Variants in PDZD7 observed in about 807,000 individuals in gnomAD.
The protein encoded by PDZD7 is PDZ domain-containing protein 7.
Under a neutral mutation model 84.7 loss-of-function variants are expected in PDZD7, and 72 were observed. The ratio of observed to expected loss-of-function variants is 0.85; its 90% confidence interval spans 0.70 to 1.03. The LOEUF (loss-of-function observed/expected upper bound fraction) is 1.03. Ranked by LOEUF, PDZD7 falls within the 50% of genes least tolerant of loss-of-function variation. The pLI is 0.00. For missense variants in PDZD7, 1,490 were observed against 1,412.9 expected, an observed-to-expected ratio of 1.05 and a Z score of -0.87; for synonymous variants, 594 against 580.7, an observed-to-expected ratio of 1.02 and a Z score of -0.33.
intron 4 of PDZD7, among the ~76,000 whole-genome samples, 170 bp from the exon 5 acceptor site, chr10:101,022,555 G>T (rs1007119003): frequency 1.3e-5 from 2 of 151,980 alleles, no homozygotes; most frequent in Non-Finnish European, 2.9e-5. Context: ...CAGCCTAATT[G>T]CCTCTTTTTA....
intron 7 of PDZD7, among the ~76,000 whole-genome samples, chr10:101,019,569 T>TCCTCCTCCTCCG (rs1852948070): frequency 7.5e-6 from 1 of 133,092 alleles, no homozygotes; most frequent in South Asian, 2.6e-4. Flanking sequence ...CTCCTCCTCC[T>TCCTCCTCCTCCG]CCTCCTCCTC....
chr10:101,014,486 C>G (rs973928521), intron 11 of PDZD7, among the ~76,000 whole-genome samples: 5 of 152,092 alleles, frequency 3.3e-5, no homozygotes, highest in Non-Finnish European at 7.4e-5. Context: ...CATTGCCGGC[C>G]CACTGGAGGC....
rs1308552992 is a variant in PDZD7, at chr10:101,010,321, G to T, written c.2568C>A (p.Pro856=). ...GTGTCACTGTCTTCAGCTCGCCACT[G>T]GGGTTCTTCATGGCTGCCTCCTTGG... ...GTAKEAAMKN[P]SGELKTVTLS... is the part of the protein sequence containing the mutation. Residue 856 remains proline (P), a synonymous_variant, in exon 15 of 17, where the codon CCC becomes CCA. Transcript: ENST00000619208. 5 of 1,535,982 alleles carry T rather than the reference G, an allele frequency of 3.3e-6. No individual in the cohort carries two copies. In the African/African-American group the frequency reaches 4.1e-5, roughly 13 times the overall value.
At position 101,017,834 on chromosome 10, in the gene PDZD7, GGAAGGAAA is replaced by G. The variant is rs1335066650; in HGVS notation, c.1522+257_1522+264del. 5.7e-4 allele frequency: 73 copies of G among 128,878 alleles called. 1 individual carries two copies. Among genetic ancestry groups the G allele is most frequent in the South Asian group, 1.9e-3 (23 of 12,368 alleles). The allele number at this position is 128,878 out of a possible 1,614,324, so 8.0% of individuals were successfully genotyped here. A position where few individuals can be genotyped will look rare whatever the true frequency, so the allele number is the denominator to read the frequency against. ...GAAAGAAAGGAAAGAAAGGAAGGAA[GGAAGGAAA>G]GAAAGAAAGAAAGAAAGAAAGAAAG... On this transcript the variant is annotated intron_variant, in intron 9 of 16. Coordinates refer to ENST00000619208, the MANE Select transcript of PDZD7 (RefSeq NM_001195263.2).
chr10:101,023,337 G>T, intron 4 of PDZD7, 99 bp downstream of exon 4: 1 of 1,460,046 alleles, frequency 6.8e-7, no homozygotes, highest in Non-Finnish European at 9.5e-7. Flanking sequence ...CAGCGAGCAG[G>T]AGGAACAGAA....
At chr10:101,018,402 A>T in intron 8 of PDZD7, 106 bp from the exon 9 acceptor site, 5 of 1,238,102 alleles carry the variant, frequency 4.0e-6, no homozygotes, top group Non-Finnish European at 5.8e-6. Context: ...GAGAGGGCAG[A>T]CAGGATCTGC....
chr10:101,024,692 C>T (rs1937603757), intron 2 of PDZD7, among the ~76,000 whole-genome samples: 1 of 151,176 alleles, frequency 6.6e-6, no homozygotes, highest in Non-Finnish European at 1.5e-5. Context: ...GAGGCAGGAG[C>T]CCAGGAGGTC....
chr10:101,020,122 T>C (rs1240036254), intron 7 of PDZD7, among the ~76,000 whole-genome samples: 1 of 151,094 alleles, frequency 6.6e-6, no homozygotes, highest in East Asian at 2.0e-4. Context: ...TTATTATTAT[T>C]ATTTTGAGAT....
At position 101,024,600 on chromosome 10, in the gene PDZD7, G is replaced by A. The variant is rs950574905; in HGVS notation, c.227-532C>T. 3.3e-5 allele frequency among the ~76,000 whole-genome samples: 5 copies of A among 151,852 alleles called. No homozygotes were observed. The South Asian group carries it at 6.2e-4, about 19-fold the overall frequency. ...AGGTGTGAAAGAAGGTGAGATCAGCGGGACAGGACTCTATGCTAAAGACAC... is the reference window on the plus strand; with the variant it reads ...AGGTGTGAAAGAAGGTGAGATCAGCAGGACAGGACTCTATGCTAAAGACAC... On this transcript the variant is annotated intron_variant, in intron 2 of 16. Transcript: ENST00000619208.
intron 9 of PDZD7, chr10:101,017,434 C>A: frequency 2.0e-6 from 1 of 489,136 alleles, no homozygotes; most frequent in Non-Finnish European, 3.6e-6. Flanking sequence ...GCTATGTTGC[C>A]CAGGCTGGTC....
At chr10:101,014,843 A>AG (rs1387140302) in intron 11 of PDZD7, among the ~76,000 whole-genome samples, 5 of 152,190 alleles carry the variant, frequency 3.3e-5, no homozygotes, top group Non-Finnish European at 7.3e-5. Context: ...ATGAAGGGTG[A>AG]GGGAATCCAC....
chr10:101,015,027 T>C (rs963921817), intron 11 of PDZD7, among the ~76,000 whole-genome samples: 1 of 152,174 alleles, frequency 6.6e-6, no homozygotes, highest in Non-Finnish European at 1.5e-5. Context: ...CCCCAGAGAC[T>C]CCTTCAAATC....
intron 11 of PDZD7, among the ~76,000 whole-genome samples, chr10:101,013,509 T>C (rs1377735678): frequency 1.3e-5 from 2 of 152,148 alleles, no homozygotes; most frequent in East Asian, 3.9e-4. Flanking sequence ...AAGATAGACG[T>C]AGGGAACAGC....
At chr10:101,017,525 T>C in intron 9 of PDZD7, 1 of 694,076 alleles carries the variant, frequency 1.4e-6, no homozygotes, top group South Asian at 1.5e-5. Context: ...GATCACGCTG[T>C]AATCCTAGCA....
chr10:101,015,845 G>A, intron 10 of PDZD7, 34 bp from the exon 11 acceptor site: 2 of 1,530,956 alleles, frequency 1.3e-6, no homozygotes, highest in Non-Finnish European at 1.8e-6. Context: ...GAGGGGAGAG[G>A]GGCTTCCCTC....
chr10:101,022,186 A>G (rs1853148371), intron 5 of PDZD7, 23 bp downstream of exon 5: 1 of 1,613,738 alleles, frequency 6.2e-7, no homozygotes, highest in African/African-American at 1.3e-5. Context: ...CTACCCGAAG[A>G]CACTTCCTGC....
Position 101,008,281 on chromosome 10 carries a change from G to C in PDZD7, c.*186C>G. On this transcript the variant is annotated 3_prime_UTR_variant, in exon 17 of 17. Coordinates refer to ENST00000619208, the MANE Select transcript of PDZD7 (RefSeq NM_001195263.2). ...GCTGCCCACTAGCACCTTGTCCTTGGACACTAAGGCAGAGCCTTAATGACA... is the reference window on the plus strand; with the variant it reads ...GCTGCCCACTAGCACCTTGTCCTTGCACACTAAGGCAGAGCCTTAATGACA... 1.5e-6 allele frequency: 1 copy of C among 672,878 alleles called. No homozygotes were observed. The highest frequency in any genetic ancestry group is 2.7e-5 in the East Asian group (1 of 36,442). The allele number at this position is 672,878 out of a possible 1,614,324, so 41.7% of individuals were successfully genotyped here.
chr10:101,025,836 C>T (rs911742204), intron 2 of PDZD7, among the ~76,000 whole-genome samples: 1 of 152,156 alleles, frequency 6.6e-6, no homozygotes, highest in Non-Finnish European at 1.5e-5. Flanking sequence ...CGTGAGCCAC[C>T]ACACCCGGCC....
Position 101,022,236 on chromosome 10 carries a change from T to C in PDZD7, c.692A>G (p.Glu231Gly), listed in dbSNP as rs759737531. 1.2e-6 allele frequency: 2 copies of C among 1,614,156 alleles called. No homozygotes were observed. The highest frequency in any genetic ancestry group is 2.2e-5 in the South Asian group (2 of 91,078). ...GGACACATAGATGCCCAGGCCAAACTCCTTGCCCCCACGGATGTTGAAGCC... is the reference window on the plus strand; with the variant it reads ...GGACACATAGATGCCCAGGCCAAACCCCTTGCCCCCACGGATGTTGAAGCC... ...CLGFNIRGGK[E>G]FGLGIYVSKV... Residue 231 changes from glutamate to glycine, a missense_variant, in exon 5 of 17, where the codon GAG becomes GGG. Coordinates refer to ENST00000619208, the MANE Select transcript of PDZD7 (RefSeq NM_001195263.2).
Sources: allele counts gnomAD v4.1 joint callset (sites outside exome capture counted in the v4.1 genomes callset), GRCh38; gene constraint gnomAD v4.1.1; transcripts MANE v1.5; gene names NCBI Gene and HGNC (gene_info 2026-07-23, HGNC 2026-07-21).